Variants in FSTL4 observed in about 807,000 individuals in gnomAD.
The protein encoded by FSTL4 is follistatin like 4.
FSTL4 carries 28 observed loss-of-function variants against 78.2 expected under a neutral mutation model. The observed-to-expected ratio is 0.36, with a 90% confidence interval of 0.27 to 0.49. FSTL4 has a LOEUF of 0.49. Among genes scored for constraint, FSTL4 ranks in the 20% least tolerant of loss-of-function variants. The pLI, the probability that FSTL4 is intolerant of heterozygous loss-of-function variation, is 0.98. For missense variants in FSTL4, 922 were observed against 1,084.9 expected (o/e 0.85, Z 2.11); for synonymous variants, 422 against 440.5 (o/e 0.96, Z 0.53).
the FSTL4 span, among the ~76,000 whole-genome samples, chr5:133,788,715 A>C: frequency 6.6e-6 from 1 of 152,194 alleles, no homozygotes; most frequent in African/African-American, 2.4e-5. Context: ...GCTTATAAAC[A>C]CTTCCACTAC....
chr5:133,632,225 T>C, the FSTL4 span, among the ~76,000 whole-genome samples: 1 of 152,188 alleles, frequency 6.6e-6, no homozygotes, highest in South Asian at 2.1e-4. Flanking sequence ...TCAAGTAAAG[T>C]ATAAGAATAT....
rs180732277 is a variant in FSTL4, at chr5:133,338,606, T to G, written c.410-21954A>C. ...ACTCACTATCCAGCCCAGTATCCAC[T>G]ATCCTCTCTTGAGCTCCTGATGTCC... On this transcript the variant is annotated intron_variant, in intron 4 of 15. Coordinates refer to ENST00000265342, the MANE Select transcript of FSTL4 (RefSeq NM_015082.2). The surrounding 1 kb of genome is among the most constrained non-coding windows in gnomAD (Gnocchi z 4.0). Among the ~76,000 whole-genome samples, 202 of 152,154 alleles carry G rather than the reference T, an allele frequency of 1.3e-3. 1 individual carries two copies. The highest frequency in any genetic ancestry group is 4.8e-3 in the African/African-American group (200 of 41,490).
At chr5:133,564,100 A>G (rs1225695330) in intron 3 of FSTL4, among the ~76,000 whole-genome samples, 6 of 152,124 alleles carry the variant, frequency 3.9e-5, no homozygotes, top group Admixed American at 3.9e-4. Flanking sequence ...TTTGCCAGCA[A>G]TTCTCTGCTT....
At chr5:133,657,804 T>A in the FSTL4 span, among the ~76,000 whole-genome samples, 1 of 150,314 alleles carries the variant, frequency 6.7e-6, no homozygotes, top group Non-Finnish European at 1.5e-5. Flanking sequence ...AATTTCTGTG[T>A]AGTTTTTTTC....
chr5:133,824,344 GA>G, the FSTL4 span, among the ~76,000 whole-genome samples: 4 of 152,206 alleles, frequency 2.6e-5, no homozygotes, highest in African/African-American at 4.8e-5. Flanking sequence ...AGAACTCAGG[GA>G]AACGCTTTAC....
chr5:133,359,182 C>T (rs1755013860), intron 4 of FSTL4, among the ~76,000 whole-genome samples: 1 of 152,216 alleles, frequency 6.6e-6, no homozygotes, highest in South Asian at 2.1e-4. Flanking sequence ...GTGTGCCTTT[C>T]TCACTAATAT....
At chr5:133,454,011 CAGCG>C (rs1561723123) in intron 3 of FSTL4, among the ~76,000 whole-genome samples, 1 of 152,198 alleles carries the variant, frequency 6.6e-6, no homozygotes, top group Admixed American at 6.5e-5. Flanking sequence ...CCTCCTCAAT[CAGCG>C]AGTTTTAATT....
chr5:133,775,020 CAAAGA>C, the FSTL4 span, among the ~76,000 whole-genome samples: 3 of 152,164 alleles, frequency 2.0e-5, no homozygotes, highest in African/African-American at 7.2e-5. Flanking sequence ...CCATTCACTA[CAAAGA>C]AAAGCACAAC....
chr5:133,744,485 A>G, the FSTL4 span, among the ~76,000 whole-genome samples: 1 of 152,194 alleles, frequency 6.6e-6, no homozygotes, highest in African/African-American at 2.4e-5. Context: ...AGGCACCACG[A>G]CATCCCTTTG....
intron 4 of FSTL4, among the ~76,000 whole-genome samples, chr5:133,357,847 C>T (rs1399587011): frequency 2.0e-5 from 3 of 152,206 alleles, no homozygotes; most frequent in Non-Finnish European, 2.9e-5. Flanking sequence ...GGCCACAAAA[C>T]ACCTGGGGCC....
intron 3 of FSTL4, among the ~76,000 whole-genome samples, chr5:133,557,730 A>G (rs1759819333): frequency 6.6e-6 from 1 of 152,234 alleles, no homozygotes. Context: ...GGGAGAAGCC[A>G]GGTCCTTACA....
intron 6 of FSTL4, among the ~76,000 whole-genome samples, chr5:133,310,002 C>T (rs985907176): frequency 2.6e-5 from 4 of 152,208 alleles, no homozygotes; most frequent in Admixed American, 2.6e-4. Context: ...TGGGTAATAA[C>T]TTGTACCTAT....
intron 7 of FSTL4, among the ~76,000 whole-genome samples, chr5:133,241,985 T>G (rs1751888780): frequency 6.8e-6 from 1 of 146,670 alleles, no homozygotes; most frequent in African/African-American, 2.8e-5. Flanking sequence ...CCTGACACTG[T>G]GTTCAAAACT....
At chr5:133,665,011 C>T in the FSTL4 span, among the ~76,000 whole-genome samples, 1 of 152,122 alleles carries the variant, frequency 6.6e-6, no homozygotes, top group Non-Finnish European at 1.5e-5. Context: ...AAGTTGACTC[C>T]AACACGCATT....
chr5:133,468,825 C>T (rs1176773882), intron 3 of FSTL4, among the ~76,000 whole-genome samples: 2 of 152,148 alleles, frequency 1.3e-5, no homozygotes, highest in African/African-American at 2.4e-5. Flanking sequence ...GGGAAACAGA[C>T]GGCTACCCAA....
At chr5:133,223,577 G>C (rs755927994) in intron 11 of FSTL4, among the ~76,000 whole-genome samples, 1 of 152,162 alleles carries the variant, frequency 6.6e-6, no homozygotes, top group East Asian at 1.9e-4. Context: ...AGTGACTCAG[G>C]CTCTGCCACC....
the FSTL4 span, among the ~76,000 whole-genome samples, chr5:133,631,940 T>C: frequency 5.3e-5 from 8 of 151,554 alleles, no homozygotes; most frequent in African/African-American, 1.7e-4. Context: ...TAAGTGGGAG[T>C]TGAACAATGA....
intron 4 of FSTL4, among the ~76,000 whole-genome samples, chr5:133,398,159 C>T (rs1756122032): frequency 6.6e-6 from 1 of 152,220 alleles, no homozygotes; most frequent in Admixed American, 6.5e-5. Flanking sequence ...AGGCATTCAC[C>T]TCAGGGCTGG....
chr5:133,688,690 G>T, the FSTL4 span, among the ~76,000 whole-genome samples: 2 of 152,152 alleles, frequency 1.3e-5, no homozygotes, highest in African/African-American at 4.8e-5. Flanking sequence ...TCTCGCTCAG[G>T]ACTCATTTTT....
Sources: allele counts gnomAD v4.1 joint callset (sites outside exome capture counted in the v4.1 genomes callset), GRCh38; gene constraint gnomAD v4.1.1; non-coding constraint Gnocchi (gnomAD v3.1); transcripts MANE v1.5; gene names NCBI Gene and HGNC (gene_info 2026-07-23, HGNC 2026-07-21).